ACYP2: variants seen among roughly 807,000 people sequenced by gnomAD.
The protein encoded by ACYP2 is acylphosphatase 2.
A neutral mutation model predicts 11.2 loss-of-function variants in ACYP2; 12 were observed. The observed-to-expected ratio is 1.08, with a 90% CI of 0.69 to 1.74. The LOEUF (loss-of-function observed/expected upper bound fraction) is 1.74, where lower values mean the gene tolerates loss of function less well. ACYP2 is among the 40% of genes most tolerant of loss of function. The probability of loss-of-function intolerance (pLI) is 0.00; values close to 1 mark genes in which losing one functional copy is unlikely to be tolerated. For missense variants in ACYP2, 134 were observed against 101.9 expected, an observed-to-expected ratio of 1.31 and a Z score of -1.35; for synonymous variants, 43 against 32.2, an observed-to-expected ratio of 1.33 and a Z score of -1.13.
intron 4 of ACYP2, among the ~76,000 whole-genome samples, chr2:54,125,478 G>A (rs776499640): frequency 2.6e-5 from 4 of 152,132 alleles, no homozygotes; most frequent in African/African-American, 2.4e-5. Context: ...GGCCAGGCAC[G>A]GTGGTTCATA....
chr2:54,048,039 T>G (rs1249693726), intron 2 of ACYP2, among the ~76,000 whole-genome samples: 1 of 152,222 alleles, frequency 6.6e-6, no homozygotes, highest in African/African-American at 2.4e-5. Context: ...ACCTTGGGCT[T>G]CACTCTATTA....
In ACYP2 at chr2:54,097,692, G is replaced by A. The variant is rs144847939; in HGVS notation, c.278-37761G>A. 4.4e-4 allele frequency among the ~76,000 whole-genome samples: 67 copies of A among 151,844 alleles called. 1 individual carries two copies. The highest frequency in any genetic ancestry group is 1.6e-3 in the African/African-American group (65 of 41,406). On this transcript the variant is annotated intron_variant, in intron 4 of 6. Transcript: ENST00000607452. ...TTTCTCTGTCCCTCTTTATTCTCGG[G>A]GGAGGAAGGGGTGGTTTTGGAGCAT...
In ACYP2 at chr2:54,033,659, A is replaced by G. The variant is rs142620496; in HGVS notation, c.63-17299A>G. ...CTGGAGCCCCTGAAAGCTTTCAGGC[A>G]GGGGAGTGACATGATCAGACCTGCA... is the stretch of plus-strand genomic sequence containing the variant. On this transcript the variant is annotated intron_variant, in intron 2 of 6. Coordinates refer to ENST00000607452, the MANE Select transcript of ACYP2 (RefSeq NM_001320586.2). 4.2e-3 allele frequency among the ~76,000 whole-genome samples: 638 copies of G among 152,304 alleles called. 2 individuals are homozygous for G. The highest frequency in any genetic ancestry group is 0.013 in the African/African-American group (536 of 41,564).
At chr2:54,242,999 T>C (rs1207813678) in intron 6 of ACYP2, among the ~76,000 whole-genome samples, 2 of 152,206 alleles carry the variant, frequency 1.3e-5, no homozygotes, top group Admixed American at 6.5e-5. Flanking sequence ...TTTCTTACCA[T>C]TATAAGAATT....
intron 6 of ACYP2, among the ~76,000 whole-genome samples, chr2:54,279,650 C>T (rs2104112036): frequency 6.6e-6 from 1 of 152,204 alleles, no homozygotes; most frequent in South Asian, 2.1e-4. Flanking sequence ...CTCTGGAAGC[C>T]CTACCCTACC....
intron 4 of ACYP2, among the ~76,000 whole-genome samples, chr2:54,071,826 C>T (rs952723347): frequency 1.3e-5 from 2 of 152,122 alleles, no homozygotes; most frequent in Non-Finnish European, 2.9e-5. Flanking sequence ...GCCTGGTCAA[C>T]ATGACAAAAC....
intron 6 of ACYP2, among the ~76,000 whole-genome samples, chr2:54,172,141 C>T (rs1384959293): frequency 1.3e-5 from 2 of 152,076 alleles, no homozygotes; most frequent in African/African-American, 4.8e-5. Flanking sequence ...TCCCTTGAAC[C>T]CAGGAGTTTG....
intron 4 of ACYP2, among the ~76,000 whole-genome samples, chr2:54,112,862 G>A (rs1340429157): frequency 1.3e-5 from 2 of 152,200 alleles, no homozygotes; most frequent in East Asian, 1.9e-4. Flanking sequence ...CTAAGCAAAT[G>A]TCAATTGTTG....
At chr2:54,251,580 T>G (rs1687227246) in intron 6 of ACYP2, among the ~76,000 whole-genome samples, 1 of 115,922 alleles carries the variant, frequency 8.6e-6, no homozygotes, top group South Asian at 3.1e-4. Flanking sequence ...AATAGGTACT[T>G]ACCACCCTAA....
chr2:53,973,266 GAATA>G (rs1316504550), intron 1 of ACYP2, among the ~76,000 whole-genome samples: 1 of 152,162 alleles, frequency 6.6e-6, no homozygotes, highest in African/African-American at 2.4e-5. Context: ...AATGGGAAGT[GAATA>G]AATAGAGGCA....
chr2:54,150,898 C>A (rs1363745996), intron 6 of ACYP2, among the ~76,000 whole-genome samples: 3 of 151,732 alleles, frequency 2.0e-5, no homozygotes, highest in East Asian at 1.9e-4. Context: ...CCCACTACCA[C>A]GCCCGGCTAA....
chr2:54,051,391 G>A lies in ACYP2; in HGVS notation c.155+341G>A, dbSNP rs186426736. The stretch of plus-strand genomic sequence containing the variant: ...TGCTAAAGAGAAAAGTGAAGACATG[G>A]CAAAGGTAGAGAAGGCCCATTATGA... On this transcript the variant is annotated intron_variant, in intron 3 of 6. Transcript: ENST00000607452. The A allele has an allele frequency of 1.9e-4, 146 of 749,092 alleles. No homozygotes were observed. The African/African-American group carries it at 2.3e-3, about 12-fold the overall frequency. The allele number at this position is 749,092 out of a possible 1,614,324, so 46.4% of individuals were successfully genotyped here.
intron 2 of ACYP2, among the ~76,000 whole-genome samples, chr2:54,015,249 G>A (rs996786882): frequency 9.2e-5 from 14 of 151,952 alleles, no homozygotes; most frequent in African/African-American, 2.7e-4. Context: ...GGTGGCTCAC[G>A]CCTGTAATCC....
At chr2:54,281,411 C>G (rs1458962818) in intron 6 of ACYP2, among the ~76,000 whole-genome samples, 4 of 152,184 alleles carry the variant, frequency 2.6e-5, no homozygotes, top group Admixed American at 1.3e-4. Context: ...ATACAGATGT[C>G]TCTGTCAGTA....
At chr2:54,169,108 C>T (rs148355683) in intron 6 of ACYP2, among the ~76,000 whole-genome samples, 23 of 152,284 alleles carry the variant, frequency 1.5e-4, no homozygotes, top group African/African-American at 4.8e-4. Flanking sequence ...TTAGACTTAT[C>T]GCTTACCTTT....
intron 4 of ACYP2, chr2:54,115,747 A>G: frequency 6.2e-7 from 1 of 1,612,810 alleles, no homozygotes. Context: ...GGTGTTCGGA[A>G]GAGTGCAGGG....
intron 4 of ACYP2, among the ~76,000 whole-genome samples, chr2:54,068,097 A>G (rs749402969): frequency 6.6e-6 from 1 of 152,118 alleles, no homozygotes; most frequent in Non-Finnish European, 1.5e-5. Flanking sequence ...CTTACACTAG[A>G]TCTGATATTT....
At chr2:54,121,514 A>T (rs1025612992) in intron 4 of ACYP2, among the ~76,000 whole-genome samples, 1 of 152,220 alleles carries the variant, frequency 6.6e-6, no homozygotes, top group Non-Finnish European at 1.5e-5. Flanking sequence ...TATTTCTTAA[A>T]TATTGCTTAA....
At chr2:54,078,045 C>T (rs1325402692) in intron 4 of ACYP2, among the ~76,000 whole-genome samples, 1 of 151,538 alleles carries the variant, frequency 6.6e-6, no homozygotes, top group Non-Finnish European at 1.5e-5. Flanking sequence ...TCTCTGCTCA[C>T]TGCAACCTCG....
Sources: allele counts gnomAD v4.1 joint callset (sites outside exome capture counted in the v4.1 genomes callset), GRCh38; gene constraint gnomAD v4.1.1; transcripts MANE v1.5; gene names NCBI Gene and HGNC (gene_info 2026-07-23, HGNC 2026-07-21).